Variants in TRIM21 observed in about 807,000 individuals in gnomAD.
TRIM21 encodes the protein E3 ubiquitin-protein ligase TRIM21.
In TRIM21, 35 loss-of-function variants were observed where a neutral mutation model predicts 36.1. That is an observed-to-expected ratio of 0.97 (90% confidence interval 0.74 to 1.28). TRIM21 has a LOEUF of 1.28. Ranked by LOEUF, TRIM21 falls within the 50% of genes most tolerant of loss-of-function variation. The probability of loss-of-function intolerance (pLI) is 0.00; values close to 1 mark genes in which losing one functional copy is unlikely to be tolerated. For missense variants in TRIM21, 635 were observed against 570.7 expected (o/e 1.11, Z -1.15); for synonymous variants, 256 against 211.5 (o/e 1.21, Z -1.83).
intron 1 of TRIM21, among the ~76,000 whole-genome samples, chr11:4,391,327 C>T (rs772282384): frequency 6.6e-6 from 1 of 152,192 alleles, no homozygotes; most frequent in African/African-American, 2.4e-5. Flanking sequence ...TGAACAGTTG[C>T]TCAACATCAT....
At chr11:4,387,104 C>A in intron 4 of TRIM21, 114 bp from the exon 5 acceptor site, 2 of 1,061,462 alleles carry the variant, frequency 1.9e-6, no homozygotes. Context: ...TCCTCTCCTT[C>A]CTCTGGTCCT....
chr11:4,385,301 C>A lies in TRIM21; in HGVS notation c.1412G>T (p.Gly471Val). 2 of 1,611,620 alleles carry A rather than the reference C, an allele frequency of 1.2e-6. No individual in the cohort carries two copies. The highest frequency in any genetic ancestry group is 1.1e-5 in the South Asian group (1 of 90,824). The change falls in exon 7 of 7, where the codon GGA (glycine) becomes GTA (valine). Residue 471 changes from glycine to valine, a missense_variant. Physicochemically the swap from Gly to Val is moderately radical, Grantham distance 109. Transcript: ENST00000254436. ...TLCPLNIGSQGSTDY is the reference protein window; with the variant it reads ...TLCPLNIGSQVSTDY Reference sequence around the variant, plus strand: ...AGAAAGCCATCAATAGTCAGTGGATCCTTGTGATCCAATATTCAGTGGACA... The same window carrying A: ...AGAAAGCCATCAATAGTCAGTGGATACTTGTGATCCAATATTCAGTGGACA...
At chr11:4,386,918 A>T in intron 5 of TRIM21, 50 bp downstream of exon 5, 1 of 1,554,550 alleles carries the variant, frequency 6.4e-7, no homozygotes, top group East Asian at 2.3e-5. Context: ...TGTCATAGGC[A>T]TATATGCTTT....
intron 1 of TRIM21, among the ~76,000 whole-genome samples, chr11:4,393,094 T>C (rs2133055198): frequency 6.6e-6 from 1 of 152,328 alleles, no homozygotes; most frequent in Admixed American, 6.5e-5. Flanking sequence ...GTTTAGTTCC[T>C]GACAACACTT....
chr11:4,385,161 G>T lies in TRIM21; in HGVS notation c.*124C>A. On this transcript the variant is annotated 3_prime_UTR_variant, in exon 7 of 7. Transcript: ENST00000254436. ...TGAAGTGACTTCCCTGCTAAAGCTC[G>T]CTTGCTGGGATCCGGATGCCTCTGC... The T allele has an allele frequency of 2.2e-6, 2 of 922,634 alleles. No individual in the cohort carries two copies. Among genetic ancestry groups the T allele is most frequent in the Non-Finnish European group, 3.2e-6 (2 of 626,690 alleles). 57.2% of individuals were successfully genotyped at this position (922,634 alleles called of 1,614,324 possible).
At position 4,386,968 on chromosome 11, in the gene TRIM21, C is replaced by G. The variant is rs763897691; in HGVS notation, c.758G>C (p.Arg253Thr). The change falls in exon 5 of 7, where the codon AGG becomes ACG. Residue 253 changes from arginine (R) to threonine (T), a missense_variant and splice_region_variant. Physicochemically the swap from Arg to Thr is moderately conservative, Grantham distance 71. Coordinates refer to ENST00000254436, the MANE Select transcript of TRIM21 (RefSeq NM_003141.4). ...LLQEVIIVLE[R>T]SESWNLKDLD... Reference sequence around the variant, plus strand: ...TCTAACAAAGAAAACTCCTCCTTACCTTTCCAGGACAATTATCACCTCCTG... The same window carrying G: ...TCTAACAAAGAAAACTCCTCCTTACGTTTCCAGGACAATTATCACCTCCTG... The G allele has an allele frequency of 6.3e-7, 1 of 1,583,514 alleles. No individual in the cohort carries two copies. The highest frequency in any genetic ancestry group is 1.2e-5 in the South Asian group (1 of 86,408).
chr11:4,389,686 C>A lies in TRIM21; in HGVS notation c.472G>T (p.Val158Leu), dbSNP rs1416567779. 1 of 1,613,978 alleles carries A rather than the reference C, an allele frequency of 6.2e-7. No homozygotes were observed. Among genetic ancestry groups the A allele is most frequent in the East Asian group, 2.2e-5 (1 of 44,876 alleles). Reference sequence around the variant, plus strand: ...TCTGCTCTCTTTATTGCAATTTCCACTTCCAACTTCTCAGCCAACTCCTGC... The same window carrying A: ...TCTGCTCTCTTTATTGCAATTTCCAATTCCAACTTCTCAGCCAACTCCTGC... Reference protein sequence around the residue: ...RKQELAEKLEVEIAIKRADWK... With the variant: ...RKQELAEKLELEIAIKRADWK... The change falls in exon 3 of 7, where the codon GTG (valine) becomes TTG (leucine). Residue 158 changes from valine to leucine, a missense_variant. Val to Leu is a conservative substitution (Grantham distance 32). Coordinates refer to ENST00000254436, the MANE Select transcript of TRIM21 (RefSeq NM_003141.4).
intron 4 of TRIM21, 61 bp from the exon 5 acceptor site, chr11:4,387,051 C>T (rs2094957001): frequency 2.0e-6 from 3 of 1,529,422 alleles, no homozygotes; most frequent in African/African-American, 1.4e-5. Context: ...GAGACATCAG[C>T]CCTGTGGGTG....
At position 4,390,422 on chromosome 11, in the gene TRIM21, C is replaced by G; in HGVS notation, c.-13G>C. 2 of 1,594,956 alleles carry G rather than the reference C, an allele frequency of 1.3e-6. No homozygotes were observed. Among genetic ancestry groups the G allele is most frequent in the Non-Finnish European group, 1.7e-6 (2 of 1,166,694 alleles). On this transcript the variant is annotated 5_prime_UTR_variant, in exon 2 of 7. Transcript: ENST00000254436. ...CTGCTGAAGCCATTGTCAAGTGTGC[C>G]GTTAAACAGCAGTGTGGAGACCTTT... is the stretch of plus-strand genomic sequence containing the variant.
In TRIM21 at chr11:4,390,024, T is replaced by G; in HGVS notation, c.386A>C (p.Glu129Ala). The G allele has an allele frequency of 6.2e-7, 1 of 1,613,876 alleles. No individual in the cohort carries two copies. The highest frequency in any genetic ancestry group is 8.5e-7 in the Non-Finnish European group (1 of 1,179,872). The change falls in exon 2 of 7, where the codon GAG becomes GCG. Residue 129 changes from glutamate (E) to alanine (A), a missense_variant. Physicochemically the swap from Glu to Ala is moderately radical, Grantham distance 107 (BLOSUM62 -1). Transcript: ENST00000254436. Reference sequence around the variant, plus strand: ...CACCTGGTACTCCTGTGCAGCCTCCTCAAGAGGGACCATGGCGTGGTCACG... The same window carrying G: ...CACCTGGTACTCCTGTGCAGCCTCCGCAAGAGGGACCATGGCGTGGTCACG... ...KHRDHAMVPLEEAAQEYQEKL... is the reference protein window; with the variant it reads ...KHRDHAMVPLAEAAQEYQEKL...
chr11:4,390,366 G>T lies in TRIM21; in HGVS notation c.44C>A (p.Thr15Lys). 1.2e-6 allele frequency: 2 copies of T among 1,613,374 alleles called. No individual in the cohort carries two copies. Among genetic ancestry groups the T allele is most frequent in the Non-Finnish European group, 1.7e-6 (2 of 1,179,406 alleles). The part of the protein sequence containing the change: ...ARLTMMWEEV[T>K]CPICLDPFVE... ...GAAGGGGTCCAGGCAGATAGGGCAT[G>T]TGACCTCCTCCCACATCATTGTCAA... Residue 15 changes from threonine to lysine, a missense_variant, in exon 2 of 7, where the codon ACA becomes AAA. Thr to Lys is a moderately conservative substitution (Grantham distance 78, BLOSUM62 -1). Transcript: ENST00000254436.
chr11:4,391,795 G>A (rs2094963289), intron 1 of TRIM21, among the ~76,000 whole-genome samples: 1 of 152,174 alleles, frequency 6.6e-6, no homozygotes, highest in African/African-American at 2.4e-5. Flanking sequence ...GGAACTGGAG[G>A]TCATTATGTT....
rs574639243 is a variant in TRIM21, at chr11:4,387,429, G to T, written c.736-439C>A. ...GGGAAGGAAAGGTTGGTTAGTTAAA[G>T]CTCCCTTGGGTACTTAATGTTGCCT... On this transcript the variant is annotated intron_variant, in intron 4 of 6. Transcript: ENST00000254436. Among the ~76,000 whole-genome samples the T allele has an allele frequency of 9.2e-5, 14 of 152,276 alleles. No homozygotes were observed. The South Asian group carries it at 2.3e-3, about 25-fold the overall frequency.
chr11:4,388,310 T>TC lies in TRIM21; in HGVS notation c.724dup (p.Glu242GlyfsTer14). 6.2e-7 allele frequency: 1 copy of TC among 1,611,996 alleles called. No homozygotes were observed. Among genetic ancestry groups the TC allele is most frequent in the Non-Finnish European group, 8.5e-7 (1 of 1,178,226 alleles). Reference sequence around the variant, plus strand: ...CCCTCCCTGTCTCACCTGCAGCAGTTCCAGTGCTGAGCTGTGGCACCTTCG... The same window carrying TC: ...CCCTCCCTGTCTCACCTGCAGCAGTTCCCAGTGCTGAGCTGTGGCACCTTCG... On this transcript the variant is annotated frameshift_variant, in exon 4 of 7. Coordinates refer to ENST00000254436, the MANE Select transcript of TRIM21 (RefSeq NM_003141.4). LOFTEE classifies it high-confidence loss of function.
At chr11:4,393,397 C>A (rs1009230966) in intron 1 of TRIM21, among the ~76,000 whole-genome samples, 5 of 152,172 alleles carry the variant, frequency 3.3e-5, no homozygotes, top group African/African-American at 1.2e-4. Flanking sequence ...AGGGGGCAGC[C>A]GGGCCCCTTC....
chr11:4,386,987 C>T lies in TRIM21; in HGVS notation c.739G>A (p.Val247Met). The T allele has an allele frequency of 6.3e-7, 1 of 1,580,628 alleles. No homozygotes were observed. Among genetic ancestry groups the T allele is most frequent in the Non-Finnish European group, 8.6e-7 (1 of 1,161,814 alleles). Residue 247 changes from valine to methionine, a missense_variant, in exon 5 of 7, where the codon GTG (valine) becomes ATG (methionine). Val to Met is a conservative substitution (Grantham distance 21, BLOSUM62 1). Transcript: ENST00000254436. ...CCTTACCTTTCCAGGACAATTATCA[C>T]CTCCTGAGGAGAAAAGAGACAGAAA... ...HSSALELLQE[V>M]IIVLERSESW... is the part of the protein sequence containing the mutation.
In TRIM21 at chr11:4,390,051, T is replaced by C; in HGVS notation, c.359A>G (p.His120Arg). The C allele has an allele frequency of 6.2e-7, 1 of 1,613,968 alleles. No homozygotes were observed. Residue 120 changes from histidine (H) to arginine (R), a missense_variant, in exon 2 of 7, where the codon CAC becomes CGC. Transcript: ENST00000254436. ...LCWVCAQSRKHRDHAMVPLEE... is the reference protein window; with the variant it reads ...LCWVCAQSRKRRDHAMVPLEE... Reference sequence around the variant, plus strand: ...AAGAGGGACCATGGCGTGGTCACGGTGTTTCCGAGACTGGGCACATACCCA... The same window carrying C: ...AAGAGGGACCATGGCGTGGTCACGGCGTTTCCGAGACTGGGCACATACCCA...
chr11:4,385,429 G>A lies in TRIM21; in HGVS notation c.1284C>T (p.Ser428=). The change falls in exon 7 of 7, where the codon TCC becomes TCT. Residue 428 remains serine, a synonymous_variant. Coordinates refer to ENST00000254436, the MANE Select transcript of TRIM21 (RefSeq NM_003141.4). The part of the protein sequence containing the change: ...VSFYNITDHG[S]LIYSFSECAF... ...CACATTCAGAGAAGGAGTAGATGAG[G>A]GAGCCATGGTCAGTGATGTTGTAGA... The A allele has an allele frequency of 1.2e-6, 2 of 1,613,646 alleles. No individual in the cohort carries two copies. Among genetic ancestry groups the A allele is most frequent in the Non-Finnish European group, 1.7e-6 (2 of 1,179,788 alleles).
rs745654190 is a variant in TRIM21 at position 4,389,713 on chromosome 11, T to C, written c.445A>G (p.Lys149Glu). The part of the protein sequence containing the change: ...LQVALGELRR[K>E]QELAEKLEVE... The stretch of plus-strand genomic sequence containing the variant: ...TCCAACTTCTCAGCCAACTCCTGCT[T>C]TCTTCTCAGTTCCCCTAATGCCACC... The change falls in exon 3 of 7, where the codon AAG becomes GAG. Residue 149 changes from lysine (K) to glutamate (E), a missense_variant. Transcript: ENST00000254436. The C allele has an allele frequency of 1.9e-6, 3 of 1,613,992 alleles. No homozygotes were observed. The Admixed American group carries it at 5.0e-5, about 27-fold the overall frequency.
Sources: gnomAD v4.1 joint callset for allele counts (sites outside exome capture counted in the v4.1 genomes callset) on GRCh38, gnomAD v4.1.1 for gene constraint, MANE v1.5 for transcripts, NCBI Gene and HGNC (gene_info 2026-07-23, HGNC 2026-07-21) for gene names.